NALF1: variants seen among roughly 807,000 people sequenced by gnomAD.
NALF1 encodes NALCN channel auxiliary factor 1.
A neutral mutation model predicts 48.4 loss-of-function variants in NALF1; 3 were observed. The observed-to-expected ratio is 0.06, with a 90% confidence interval of 0.03 to 0.16. The LOEUF (loss-of-function observed/expected upper bound fraction) is 0.16. Among genes scored for constraint, NALF1 ranks in the 10% least tolerant of loss-of-function variants. The pLI is 1.00. For synonymous variants in NALF1, 262 were observed against 245.7 expected, an observed-to-expected ratio of 1.07 and a Z score of -0.62; for missense variants, 526 against 571.5, an observed-to-expected ratio of 0.92 and a Z score of 0.81.
chr13:107,170,722 T>G lies in NALF1; in HGVS notation c.1152A>C (p.Lys384Asn). The change falls in exon 3 of 3, where the codon AAA (lysine) becomes AAC (asparagine). Residue 384 changes from lysine to asparagine, a missense_variant. By Grantham distance (94) the Lys-to-Asn change is moderately conservative (BLOSUM62 0). Transcript: ENST00000375915. ...CGGTCCCTTTGGATGGGTTATTTGA[T>G]TTTTCTTCTCTCCTGACGTCACAGC... ...PECCDVRREEKSNNPSKGTVE... is the reference protein window; with the variant it reads ...PECCDVRREENSNNPSKGTVE... 6.2e-7 allele frequency: 1 copy of G among 1,614,180 alleles called. No individual in the cohort carries two copies. The highest frequency in any genetic ancestry group is 8.5e-7 in the Non-Finnish European group (1 of 1,180,024).
intron 1 of NALF1, among the ~76,000 whole-genome samples, chr13:107,363,606 C>A (rs961944137): frequency 6.6e-6 from 1 of 151,988 alleles, no homozygotes; most frequent in African/African-American, 2.4e-5. Context: ...CTGTTTAAAT[C>A]AAAGCAGTAA....
At chr13:107,410,556 A>G (rs912249233) in intron 1 of NALF1, among the ~76,000 whole-genome samples, 7 of 152,194 alleles carry the variant, frequency 4.6e-5, no homozygotes, top group African/African-American at 1.4e-4. Flanking sequence ...AAAAATACAC[A>G]TACATGTGCA....
Position 107,164,520 on chromosome 13 carries a change from C to T in NALF1, c.*5977G>A, listed in dbSNP as rs1878620180. 1 of 151,810 alleles carries T rather than the reference C, an allele frequency of 6.6e-6. No individual in the cohort carries two copies. The highest frequency in any genetic ancestry group is 1.5e-5 in the Non-Finnish European group (1 of 68,000). The allele number at this position is 151,810 out of a possible 1,614,324, so 9.4% of individuals were successfully genotyped here. A position where few individuals can be genotyped will look rare whatever the true frequency, so the allele number is the denominator to read the frequency against. ...ATATATATTTTTTGATCTATGAGTG[C>T]CTTAAACAACCACTTTGAAGTTGCA... On this transcript the variant is annotated 3_prime_UTR_variant, in exon 3 of 3. Coordinates refer to ENST00000375915, the MANE Select transcript of NALF1 (RefSeq NM_001080396.3).
intron 1 of NALF1, among the ~76,000 whole-genome samples, chr13:107,570,329 A>G (rs9520493): frequency 0.34 from 52,285 of 151,848 alleles, 10,184 homozygotes; most frequent in Non-Finnish European, 0.45. Flanking sequence ...TACAGACTTT[A>G]TATTGATGTT....
In NALF1 at chr13:107,822,312, G is replaced by GTTT. The variant is rs1210733484; in HGVS notation, c.915+43369_915+43370insAAA. Among the ~76,000 whole-genome samples the GTTT allele has an allele frequency of 5.2e-4, 62 of 119,768 alleles. No homozygotes were observed. In the East Asian group the frequency reaches 0.031, roughly 59 times the overall value. 78.6% of individuals were successfully genotyped at this position (119,768 alleles called of 152,430 possible). ...AGCTGTTGCCTGATGTCATGCAAAA[G>GTTT]TATTTTTTTTTTTTTTGAGACAGAG... is the stretch of plus-strand genomic sequence containing the variant. On this transcript the variant is annotated intron_variant, in intron 1 of 2. Transcript: ENST00000375915.
intron 1 of NALF1, among the ~76,000 whole-genome samples, chr13:107,659,004 C>T (rs371828315): frequency 2.6e-5 from 4 of 151,880 alleles, no homozygotes; most frequent in African/African-American, 9.7e-5. Context: ...AAAACTACTT[C>T]TAGTTACCCA....
chr13:107,598,244 C>G (rs1048738799), intron 1 of NALF1, among the ~76,000 whole-genome samples: 1 of 152,156 alleles, frequency 6.6e-6, no homozygotes, highest in African/African-American at 2.4e-5. Flanking sequence ...TTTTGAGCAC[C>G]AATCCCTCTT....
intron 1 of NALF1, among the ~76,000 whole-genome samples, chr13:107,642,116 C>T (rs1316060206): frequency 6.6e-6 from 1 of 152,166 alleles, no homozygotes; most frequent in Admixed American, 6.6e-5. Flanking sequence ...GGATTAGAAT[C>T]TGTATCTTAA....
chr13:107,332,226 A>G (rs1269282359), intron 1 of NALF1, among the ~76,000 whole-genome samples: 1 of 152,238 alleles, frequency 6.6e-6, no homozygotes, highest in East Asian at 1.9e-4. Flanking sequence ...CAACATAGGA[A>G]TGACCCTTCT....
At chr13:107,243,361 G>A (rs886681017) in intron 1 of NALF1, among the ~76,000 whole-genome samples, 1 of 152,104 alleles carries the variant, frequency 6.6e-6, no homozygotes, top group African/African-American at 2.4e-5. Flanking sequence ...CCTGCCCTGG[G>A]CCACGCAGGT....
intron 1 of NALF1, among the ~76,000 whole-genome samples, chr13:107,415,192 T>C (rs9587380): frequency 0.2 from 30,946 of 152,042 alleles, 3,544 homozygotes; most frequent in Middle Eastern, 0.26. Flanking sequence ...AATTCTCTGC[T>C]TTACATACAT....
intron 1 of NALF1, among the ~76,000 whole-genome samples, chr13:107,260,488 CAG>C (rs1435766602): frequency 4.6e-5 from 7 of 152,184 alleles, no homozygotes; most frequent in Non-Finnish European, 1.0e-4. Context: ...AACTCGCTAG[CAG>C]AGTTTTGATT....
At chr13:107,630,575 A>AT (rs1322187490) in intron 1 of NALF1, among the ~76,000 whole-genome samples, 1 of 152,138 alleles carries the variant, frequency 6.6e-6, no homozygotes, top group African/African-American at 2.4e-5. Context: ...TCCCTGCCAT[A>AT]TGGTAAGCTC....
intron 1 of NALF1, among the ~76,000 whole-genome samples, chr13:107,456,708 A>G (rs975225107): frequency 2.6e-5 from 4 of 152,200 alleles, no homozygotes; most frequent in African/African-American, 9.6e-5. Context: ...TGCAGAGAAC[A>G]CTTCCTAGAC....
intron 1 of NALF1, among the ~76,000 whole-genome samples, chr13:107,661,501 C>T (rs4772899): frequency 0.57 from 86,147 of 151,956 alleles, 25,299 homozygotes; most frequent in African/African-American, 0.72. Context: ...CTTTTGCGAG[C>T]GGCCAACTGA....
intron 1 of NALF1, among the ~76,000 whole-genome samples, chr13:107,591,454 G>T (rs1009392702): frequency 2.0e-5 from 3 of 151,976 alleles, no homozygotes; most frequent in Non-Finnish European, 4.4e-5. Context: ...AATTTGATTA[G>T]AAGATTTTTA....
At chr13:107,349,394 C>T (rs1355119016) in intron 1 of NALF1, among the ~76,000 whole-genome samples, 2 of 152,026 alleles carry the variant, frequency 1.3e-5, no homozygotes, top group Non-Finnish European at 2.9e-5. Context: ...TAGTATGTCC[C>T]CTTGGAGAGT....
intron 1 of NALF1, among the ~76,000 whole-genome samples, chr13:107,446,673 TTC>T (rs1464093743): frequency 4.6e-5 from 7 of 152,192 alleles, no homozygotes; most frequent in South Asian, 2.1e-4. Context: ...TCCTAACACT[TTC>T]TGTTTCTTAA....
chr13:107,253,629 A>G (rs1329369313), intron 1 of NALF1, among the ~76,000 whole-genome samples: 2 of 151,858 alleles, frequency 1.3e-5, no homozygotes, highest in African/African-American at 2.4e-5. Flanking sequence ...TTCAGCACCA[A>G]CTCCTCAGCA....
Sources: allele counts gnomAD v4.1 joint callset (sites outside exome capture counted in the v4.1 genomes callset), GRCh38; gene constraint gnomAD v4.1.1; transcripts MANE v1.5; gene names NCBI Gene and HGNC (gene_info 2026-07-23, HGNC 2026-07-21).